The following GLYR1 variants were observed in gnomAD, a reference collection of about 807,000 sequenced individuals.
GLYR1 encodes the protein cytokine-like nuclear factor N-PAC.
Under a neutral mutation model 72.7 loss-of-function variants are expected in GLYR1, and 21 were observed. The ratio of observed to expected loss-of-function variants is 0.29; its 90% CI spans 0.20 to 0.42. GLYR1 has a LOEUF of 0.42. Ranked by LOEUF, GLYR1 falls within the 10% of genes least tolerant of loss-of-function variation. The pLI, the probability that GLYR1 is intolerant of heterozygous loss-of-function variation, is 1.00. For synonymous variants in GLYR1, 392 were observed against 270.2 expected, an observed-to-expected ratio of 1.45 and a Z score of -4.42; for missense variants, 594 against 712.1, an observed-to-expected ratio of 0.83 and a Z score of 1.89.
At chr16:4,805,375 C>A in intron 15 of GLYR1, 65 bp from the exon 16 acceptor site, 1 of 1,387,282 alleles carries the variant, frequency 7.2e-7, no homozygotes, top group Non-Finnish European at 1.0e-6. Flanking sequence ...AGACCTGATT[C>A]CTGGAGGCAG....
At chr16:4,821,509 G>C (rs1198171889) in intron 8 of GLYR1, 38 bp downstream of exon 8, 1 of 1,613,510 alleles carries the variant, frequency 6.2e-7, no homozygotes, top group African/African-American at 1.3e-5. Context: ...TAAGGCCCCA[G>C]GTGAAAATTA....
Position 4,832,916 on chromosome 16 carries a change from G to A in GLYR1, c.156-4C>T, listed in dbSNP as rs1251618777. On this transcript the variant is annotated splice_region_variant and splice_polypyrimidine_tract_variant and intron_variant, in intron 3 of 15. Coordinates refer to ENST00000321919, the MANE Select transcript of GLYR1 (RefSeq NM_032569.4). ...CTGTTCCACTTTGATCCAGGCACTA[G>A]CAGAAAACAAACACAAAAAGGGTGT... 2.5e-6 allele frequency: 4 copies of A among 1,607,758 alleles called. No individual in the cohort carries two copies. The African/African-American group carries it at 5.4e-5, about 22-fold the overall frequency.
chr16:4,819,228 G>T (rs141488775), intron 9 of GLYR1, among the ~76,000 whole-genome samples: 2 of 152,118 alleles, frequency 1.3e-5, no homozygotes, highest in Non-Finnish European at 2.9e-5. Flanking sequence ...GGCTAGGCTG[G>T]TCTCGAACTT....
intron 15 of GLYR1, among the ~76,000 whole-genome samples, chr16:4,806,392 T>C (rs1262756872): frequency 6.6e-6 from 1 of 152,138 alleles, no homozygotes; most frequent in African/African-American, 2.4e-5. Flanking sequence ...GGTCTTGCTC[T>C]GTTGCCCAGG....
chr16:4,819,205 G>T (rs1467382971), intron 9 of GLYR1, among the ~76,000 whole-genome samples: 1 of 151,984 alleles, frequency 6.6e-6, no homozygotes, highest in Non-Finnish European at 1.5e-5. Flanking sequence ...AGATGGGGGG[G>T]TCTTGCTATG....
intron 3 of GLYR1, among the ~76,000 whole-genome samples, chr16:4,837,384 T>G (rs1277520337): frequency 2.0e-5 from 3 of 151,222 alleles, no homozygotes; most frequent in African/African-American, 7.3e-5. Context: ...TGAGTGCAGA[T>G]CGTGCTACTG....
intron 13 of GLYR1, 105 bp from the exon 14 acceptor site, chr16:4,811,907 C>T: frequency 7.0e-7 from 1 of 1,430,866 alleles, no homozygotes; most frequent in Non-Finnish European, 9.4e-7. Context: ...AGGGGAGGCC[C>T]CCTTCACCTG....
chr16:4,836,393 T>A (rs1229710200), intron 3 of GLYR1, among the ~76,000 whole-genome samples: 1 of 152,230 alleles, frequency 6.6e-6, no homozygotes, highest in East Asian at 1.9e-4. Context: ...GATTTTCCTA[T>A]CATCCTCCCA....
rs1392164685 is a variant in GLYR1 at position 4,832,930 on chromosome 16, C to T, written c.156-18G>A. The T allele has an allele frequency of 6.9e-6, 11 of 1,601,922 alleles. No individual in the cohort carries two copies. Among genetic ancestry groups the T allele is most frequent in the Non-Finnish European group, 9.4e-6 (11 of 1,174,432 alleles). On this transcript the variant is annotated intron_variant, in intron 3 of 15. Transcript: ENST00000321919. ...TCCAGGCACTAGCAGAAAACAAACA[C>T]AAAAAGGGTGTGAACCATATAGCAT...
intron 15 of GLYR1, among the ~76,000 whole-genome samples, chr16:4,809,908 A>G (rs570110996): frequency 2.0e-5 from 3 of 152,230 alleles, no homozygotes; most frequent in Admixed American, 2.0e-4. Context: ...TGGGCGAAAG[A>G]GCAAAACTCT....
intron 15 of GLYR1, among the ~76,000 whole-genome samples, chr16:4,807,525 C>CA (rs1188286357): frequency 1.3e-5 from 2 of 152,192 alleles, no homozygotes; most frequent in African/African-American, 4.8e-5. Context: ...CATATCAATA[C>CA]AACTACTAAA....
intron 15 of GLYR1, among the ~76,000 whole-genome samples, chr16:4,807,632 C>T (rs2083068425): frequency 6.6e-6 from 1 of 152,136 alleles, no homozygotes; most frequent in Non-Finnish European, 1.5e-5. Flanking sequence ...AAGCAGCGAG[C>T]TGCATTGAGA....
intron 10 of GLYR1, among the ~76,000 whole-genome samples, chr16:4,816,506 G>C (rs76203404): frequency 6.6e-6 from 1 of 151,994 alleles, no homozygotes; most frequent in Admixed American, 6.6e-5. Context: ...TTTAATAAAA[G>C]CAACATATTA....
intron 9 of GLYR1, 79 bp from the exon 10 acceptor site, chr16:4,817,776 C>T (rs1178492736): frequency 6.7e-6 from 6 of 902,034 alleles, no homozygotes; most frequent in East Asian, 2.4e-5. Context: ...GCACAAGGCT[C>T]GCTCCCTTAT....
chr16:4,843,063 G>C (rs1211680509), intron 3 of GLYR1, among the ~76,000 whole-genome samples: 2 of 152,202 alleles, frequency 1.3e-5, no homozygotes, highest in African/African-American at 4.8e-5. Flanking sequence ...GCATCTGGAA[G>C]GTGGGAACTA....
chr16:4,804,156 AAAGG>A lies in GLYR1; in HGVS notation c.*1076_*1079del. 6.6e-6 allele frequency: 1 copy of A among 152,500 alleles called. No homozygotes were observed. The highest frequency in any genetic ancestry group is 2.1e-4 in the South Asian group (1 of 4,828). The allele number at this position is 152,500 out of a possible 1,614,324, so 9.4% of individuals were successfully genotyped here. On this transcript the variant is annotated 3_prime_UTR_variant, in exon 16 of 16. Transcript: ENST00000321919. ...TCGTTGGTCAGGCTGGGTCTGGGCC[AAAGG>A]GACAGACAGAAAGAAATACTGTCTC...
Position 4,805,316 on chromosome 16 carries a change from A to G in GLYR1, c.1588-6T>C, listed in dbSNP as rs563635607. 1 of 1,612,646 alleles carries G rather than the reference A, an allele frequency of 6.2e-7. No homozygotes were observed. The highest frequency in any genetic ancestry group is 2.2e-5 in the East Asian group (1 of 44,870). The stretch of plus-strand genomic sequence containing the variant: ...GCCTTGGCTCTTTTGTACACCTGGA[A>G]AAAAAAGAGATGGCTCAGTCTCTGG... On this transcript the variant is annotated splice_polypyrimidine_tract_variant and splice_region_variant and intron_variant, in intron 15 of 15. Transcript: ENST00000321919.
At position 4,812,236 on chromosome 16, in the gene GLYR1, T is replaced by C. The variant is rs760060080; in HGVS notation, c.1132A>G (p.Arg378Gly). Residue 378 changes from arginine (R) to glycine (G), a missense_variant, in exon 13 of 16, where the codon AGG becomes GGG. Transcript: ENST00000321919. Reference protein sequence around the residue: ...VTELAQVIVSRGGRFLEAPVS... With the variant: ...VTELAQVIVSGGGRFLEAPVS... Reference sequence around the variant, plus strand: ...GGGGCTTCCAGAAAGCGCCCCCCCCTGGACACAATCACCTGGAAAGAAAAG... The same window carrying C: ...GGGGCTTCCAGAAAGCGCCCCCCCCCGGACACAATCACCTGGAAAGAAAAG... 4 of 1,612,146 alleles carry C rather than the reference T, an allele frequency of 2.5e-6. No homozygotes were observed. The highest frequency in any genetic ancestry group is 2.2e-5 in the East Asian group (1 of 44,870).
Position 4,803,690 on chromosome 16 carries a change from C to G in GLYR1, c.*1546G>C, listed in dbSNP as rs2082813236. 3 of 152,112 alleles carry G rather than the reference C, an allele frequency of 2.0e-5. No homozygotes were observed. The highest frequency in any genetic ancestry group is 2.0e-4 in the Admixed American group (3 of 15,238). The allele number at this position is 152,112 out of a possible 1,614,324, so 9.4% of individuals were successfully genotyped here. On this transcript the variant is annotated 3_prime_UTR_variant, in exon 16 of 16. Transcript: ENST00000321919. ...AAAACCCGACAGGCATCTTCCCTGC[C>G]CTCCCCCCACTCGTCTTCTGCAATC...
Sources: allele counts gnomAD v4.1 joint callset (sites outside exome capture counted in the v4.1 genomes callset), GRCh38; gene constraint gnomAD v4.1.1; transcripts MANE v1.5; gene names NCBI Gene and HGNC (gene_info 2026-07-23, HGNC 2026-07-21).